The following DIP2C variants were observed in gnomAD, a reference collection of about 807,000 sequenced individuals.
DIP2C encodes disco-interacting protein 2 homolog C.
A neutral mutation model predicts 192.4 loss-of-function variants in DIP2C; 33 were observed. That is an observed-to-expected ratio of 0.17 (90% confidence interval 0.13 to 0.23). The LOEUF is 0.23. Among genes scored for constraint, DIP2C ranks in the 10% least tolerant of loss-of-function variants. The pLI, the probability that DIP2C is intolerant of heterozygous loss-of-function variation, is 1.00. For synonymous variants in DIP2C, 979 were observed against 864.1 expected (o/e 1.13, Z -2.33); for missense variants, 1,537 against 2,110.1 (o/e 0.73, Z 5.32).
rs1014362263 is a variant in DIP2C at position 348,513 on chromosome 10, G to C, written c.3231+128C>G. On this transcript the variant is annotated intron_variant, in intron 26 of 36. Coordinates refer to ENST00000280886, the MANE Select transcript of DIP2C (RefSeq NM_014974.3). ...TGCAGGTAGAGACCCTGTCCTGACCGTTTGACTCCAGACACACCCCGGCTT... is the reference window on the plus strand; with the variant it reads ...TGCAGGTAGAGACCCTGTCCTGACCCTTTGACTCCAGACACACCCCGGCTT... The C allele has an allele frequency of 3.4e-6, 5 of 1,451,554 alleles. No individual in the cohort carries two copies. The African/African-American group carries it at 7.1e-5, about 21-fold the overall frequency. 89.9% of individuals were successfully genotyped at this position (1,451,554 alleles called of 1,614,324 possible). A position where few individuals can be genotyped will look rare whatever the true frequency, so the allele number is the denominator to read the frequency against.
intron 1 of DIP2C, among the ~76,000 whole-genome samples, chr10:678,451 G>A (rs1830948331): frequency 6.6e-6 from 1 of 151,544 alleles, no homozygotes; most frequent in South Asian, 2.1e-4. Context: ...TGTCAGAGCA[G>A]AGGAAGCACA....
chr10:452,210 T>G (rs755262204), intron 3 of DIP2C, among the ~76,000 whole-genome samples: 3 of 152,102 alleles, frequency 2.0e-5, no homozygotes, highest in African/African-American at 7.3e-5. Flanking sequence ...ACATTCTGCT[T>G]TAACCGGAAA....
At chr10:558,390 G>C (rs1037088782) in intron 1 of DIP2C, among the ~76,000 whole-genome samples, 1 of 152,226 alleles carries the variant, frequency 6.6e-6, no homozygotes, top group Non-Finnish European at 1.5e-5. Context: ...CACGGATTGA[G>C]ATTCGACCCC....
chr10:426,975 A>C (rs1325914917), intron 4 of DIP2C, among the ~76,000 whole-genome samples: 2 of 152,254 alleles, frequency 1.3e-5, no homozygotes, highest in Non-Finnish European at 2.9e-5. Flanking sequence ...AAAAATCCAT[A>C]AAAATTAGTA....
chr10:428,976 C>T (rs180871370), intron 4 of DIP2C, among the ~76,000 whole-genome samples: 219 of 152,152 alleles, frequency 1.4e-3, no homozygotes, highest in African/African-American at 5.1e-3. Context: ...ATGTGCACAG[C>T]GTCCCCTATC....
chr10:407,476 A>G (rs971942499), intron 9 of DIP2C, among the ~76,000 whole-genome samples: 1 of 152,134 alleles, frequency 6.6e-6, no homozygotes, highest in African/African-American at 2.4e-5. Context: ...ATCACACAGT[A>G]ATTCCATGTT....
At chr10:522,440 C>T (rs925722963) in intron 1 of DIP2C, among the ~76,000 whole-genome samples, 2 of 152,272 alleles carry the variant, frequency 1.3e-5, no homozygotes, top group African/African-American at 4.8e-5. Context: ...ATGTCCAGGA[C>T]TGTGGTTGCT....
chr10:658,033 T>TTGGACCTGTCCCTGGACCTGTCCC (rs1856500676), intron 1 of DIP2C, among the ~76,000 whole-genome samples: 1 of 42,394 alleles, frequency 2.4e-5, no homozygotes. Context: ...GGACCTGCCC[T>TTGGACCTGTCCCTGGACCTGTCCC]TGGACCTGTC....
In DIP2C at chr10:603,411, A is replaced by G. The variant is rs575588883; in HGVS notation, c.85+86083T>C. On this transcript the variant is annotated intron_variant, in intron 1 of 36. Coordinates refer to ENST00000280886, the MANE Select transcript of DIP2C (RefSeq NM_014974.3). ...CCCAACCCTTATTCAAAGGTCGCCT[A>G]ACACTGACTCAGGACCTCTGTCTCT... 2.6e-5 allele frequency among the ~76,000 whole-genome samples: 4 copies of G among 151,304 alleles called. No individual in the cohort carries two copies. In the East Asian group the frequency reaches 7.8e-4, roughly 29 times the overall value.
At chr10:285,213 G>T (rs1955043309) in intron 34 of DIP2C, among the ~76,000 whole-genome samples, 1 of 151,804 alleles carries the variant, frequency 6.6e-6, no homozygotes, top group Non-Finnish European at 1.5e-5. Context: ...CGTGAGAACT[G>T]GGGAGGGCTT....
rs574403421 is a variant in DIP2C at position 474,522 on chromosome 10, C to T, written c.158-1973G>A. On this transcript the variant is annotated intron_variant, in intron 2 of 36. Coordinates refer to ENST00000280886, the MANE Select transcript of DIP2C (RefSeq NM_014974.3). ...TTGGAGCCCCCGCCCCAGTCCCAAA[C>T]GTGCTACCGTCACTGGGCCACGCCT... Among the ~76,000 whole-genome samples, 55 of 151,804 alleles carry T rather than the reference C, an allele frequency of 3.6e-4. No individual in the cohort carries two copies. In the South Asian group the frequency reaches 0.011, roughly 30 times the overall value.
intron 32 of DIP2C, among the ~76,000 whole-genome samples, chr10:295,438 G>A (rs1239296770): frequency 6.6e-6 from 1 of 151,678 alleles, no homozygotes; most frequent in African/African-American, 2.4e-5. Flanking sequence ...GCGGGCGCCT[G>A]TAATCCCAGC....
At chr10:426,573 T>C (rs1313290240) in intron 4 of DIP2C, among the ~76,000 whole-genome samples, 1 of 152,112 alleles carries the variant, frequency 6.6e-6, no homozygotes, top group African/African-American at 2.4e-5. Context: ...GAAAACAAAG[T>C]TGGAGGACTT....
At chr10:408,578 C>T (rs1447208444) in intron 9 of DIP2C, among the ~76,000 whole-genome samples, 1 of 152,118 alleles carries the variant, frequency 6.6e-6, no homozygotes, top group African/African-American at 2.4e-5. Context: ...ATGTAATTCA[C>T]TTGGAGTCCT....
chr10:548,505 AGGAGGGAG>A (rs148379693), intron 1 of DIP2C, among the ~76,000 whole-genome samples: 1 of 133,124 alleles, frequency 7.5e-6, no homozygotes, highest in Non-Finnish European at 1.6e-5. Context: ...TGATGTGGCC[AGGAGGGAG>A]GGAGGGAGGC....
At chr10:486,653 A>T in intron 1 of DIP2C, 123 bp from the exon 2 acceptor site, 1 of 771,880 alleles carries the variant, frequency 1.3e-6, no homozygotes, top group South Asian at 2.3e-5. Flanking sequence ...AGAATTTTAA[A>T]AGCAAGCACT....
At chr10:411,094 C>T (rs1965155139) in intron 8 of DIP2C, among the ~76,000 whole-genome samples, 1 of 152,206 alleles carries the variant, frequency 6.6e-6, no homozygotes, top group Non-Finnish European at 1.5e-5. Context: ...CACCATCAAC[C>T]ACGCAAAAAA....
intron 1 of DIP2C, among the ~76,000 whole-genome samples, chr10:562,539 T>C (rs1849278113): frequency 6.6e-6 from 1 of 152,272 alleles, no homozygotes. Context: ...TTCACTCTCA[T>C]TCTTTTCCAT....
intron 1 of DIP2C, chr10:650,859 T>C: frequency 4.2e-6 from 3 of 717,214 alleles, no homozygotes; most frequent in Admixed American, 2.0e-5. Context: ...GAGAGGTCCG[T>C]GGCATAACAC....
Sources: allele counts gnomAD v4.1 joint callset (sites outside exome capture counted in the v4.1 genomes callset), GRCh38; gene constraint gnomAD v4.1.1; transcripts MANE v1.5; gene names NCBI Gene and HGNC (gene_info 2026-07-23, HGNC 2026-07-21).